The following ZNF75A variants were observed in gnomAD, a reference collection of about 807,000 sequenced individuals.
ZNF75A encodes zinc finger protein 75A.
Under a neutral mutation model 46.3 loss-of-function variants are expected in ZNF75A, and 36 were observed. The observed-to-expected ratio is 0.78, with a 90% CI of 0.60 to 1.03. The LOEUF is 1.03. Ranked by LOEUF, ZNF75A falls within the 50% of genes least tolerant of loss-of-function variation. The pLI is 0.00. For missense variants in ZNF75A, 595 were observed against 551.3 expected (o/e 1.08, Z -0.79); for synonymous variants, 234 against 189.9 (o/e 1.23, Z -1.91).
chr16:3,316,723 T>C (rs1961233547), intron 5 of ZNF75A, 189 bp from the exon 6 acceptor site: 4 of 457,620 alleles, frequency 8.7e-6, no homozygotes, highest in Non-Finnish European at 1.6e-5. Context: ...TTTCTTAGTC[T>C]CTGCTTTGCA....
intron 2 of ZNF75A, among the ~76,000 whole-genome samples, chr16:3,309,835 G>A (rs1444774502): frequency 1.5e-4 from 23 of 151,388 alleles, no homozygotes; most frequent in Admixed American, 1.4e-3. Flanking sequence ...GGCCAGGTTC[G>A]GTGGCTCATG....
chr16:3,310,875 C>G (rs1322636016), intron 2 of ZNF75A: 1 of 985,350 alleles, frequency 1.0e-6, no homozygotes, highest in African/African-American at 1.7e-5. Flanking sequence ...GGTGGCGACA[C>G]ATCTGCTGAC....
Position 3,317,202 on chromosome 16 carries a change from A to G in ZNF75A, c.947A>G (p.Lys316Arg). 1.2e-6 allele frequency: 2 copies of G among 1,610,984 alleles called. No individual in the cohort carries two copies. The highest frequency in any genetic ancestry group is 1.7e-6 in the Non-Finnish European group (2 of 1,178,444). The change falls in exon 7 of 7, where the codon AAA (lysine) becomes AGA (arginine). Residue 316 changes from lysine to arginine, a missense_variant. Coordinates refer to ENST00000669516, the MANE Select transcript of ZNF75A (RefSeq NM_001302109.2). ...AGKSPTGLKL[K>R]NDTENHQPVS... ...TTTATTCCAACAGGGTTAAAGCTCA[A>G]AAACGACACTGAAAATCATCAGCCT... is the stretch of plus-strand genomic sequence containing the variant.
chr16:3,315,238 C>A (rs1185423794), intron 5 of ZNF75A: 1 of 289,782 alleles, frequency 3.5e-6, no homozygotes, highest in Admixed American at 7.2e-5. Context: ...GTCGCCCAGG[C>A]TGGAGTGCAG....
chr16:3,309,941 A>G (rs1002634100), intron 2 of ZNF75A, among the ~76,000 whole-genome samples: 4 of 151,784 alleles, frequency 2.6e-5, no homozygotes, highest in Middle Eastern at 3.2e-3. Flanking sequence ...AAAAAAAAAA[A>G]GAAAATAAGC....
intron 2 of ZNF75A, chr16:3,310,982 ATCCCCATTCTC>A (rs1960730813): frequency 1.0e-6 from 1 of 983,670 alleles, no homozygotes; most frequent in African/African-American, 1.7e-5. Flanking sequence ...TCTCCATTCT[ATCCCCATTCTC>A]TGAAAACCTT....
intron 3 of ZNF75A, 57 bp downstream of exon 3, chr16:3,312,005 C>T: frequency 4.3e-6 from 4 of 928,842 alleles, no homozygotes; most frequent in Non-Finnish European, 5.1e-6. Flanking sequence ...AGTTTATTCA[C>T]CCAAAATGTC....
chr16:3,317,496 G>C lies in ZNF75A; in HGVS notation c.1241G>C (p.Ser414Thr). 6.2e-7 allele frequency: 1 copy of C among 1,614,006 alleles called. No homozygotes were observed. The highest frequency in any genetic ancestry group is 8.5e-7 in the Non-Finnish European group (1 of 1,179,962). The change falls in exon 7 of 7, where the codon AGC becomes ACC. Residue 414 changes from serine (S) to threonine (T), a missense_variant. Coordinates refer to ENST00000669516, the MANE Select transcript of ZNF75A (RefSeq NM_001302109.2). ...CQECGKTFRVSSDLIKHQRIH... is the reference protein window; with the variant it reads ...CQECGKTFRVTSDLIKHQRIH... ...GAATGTGGGAAAACCTTCAGAGTTA[G>C]CTCTGACCTTATTAAGCACCAAAGA...
chr16:3,312,689 A>G lies in ZNF75A; in HGVS notation c.617A>G (p.Gln206Arg), dbSNP rs1342458634. 9.9e-7 allele frequency: 1 copy of G among 1,014,184 alleles called. No homozygotes were observed. The highest frequency in any genetic ancestry group is 1.2e-6 in the Non-Finnish European group (1 of 847,016). The allele number at this position is 1,014,184 out of a possible 1,614,324, so 62.8% of individuals were successfully genotyped here. ...TTTCCCCCCACAGCTGTGCCTACTC[A>G]ACAGATTCTAGCTTTTCCTGAGCAA... is the stretch of plus-strand genomic sequence containing the variant. ...EPVYERAVPT[Q>R]QILAFPEQTN... Residue 206 changes from glutamine to arginine, a missense_variant, in exon 4 of 7, where the codon CAA (glutamine) becomes CGA (arginine). Gln to Arg is a conservative substitution (Grantham distance 43, BLOSUM62 1). Coordinates refer to ENST00000669516, the MANE Select transcript of ZNF75A (RefSeq NM_001302109.2).
chr16:3,317,452 G>T lies in ZNF75A; in HGVS notation c.1197G>T (p.Glu399Asp), dbSNP rs761712790. ...MDRHKKDCAR[E>D]KPFKCQECGK... ...GTCACAAGAAAGATTGTGCAAGAGA[G>T]AAGCCTTTTAAATGTCAGGAATGTG... Residue 399 changes from glutamate (E) to aspartate (D), a missense_variant, in exon 7 of 7, where the codon GAG becomes GAT. Coordinates refer to ENST00000669516, the MANE Select transcript of ZNF75A (RefSeq NM_001302109.2). The T allele has an allele frequency of 1.7e-5, 28 of 1,614,002 alleles. No individual in the cohort carries two copies. Among genetic ancestry groups the T allele is most frequent in the Non-Finnish European group, 2.3e-5 (27 of 1,180,020 alleles).
chr16:3,316,864 T>G (rs1297487298), intron 5 of ZNF75A, 48 bp from the exon 6 acceptor site: 2 of 1,310,982 alleles, frequency 1.5e-6, no homozygotes, highest in African/African-American at 2.9e-5. Flanking sequence ...AGTGGACCAG[T>G]TCACTGTTAA....
chr16:3,313,131 A>G lies in ZNF75A; in HGVS notation c.779A>G (p.Tyr260Cys), dbSNP rs1188373485. 6 of 1,613,966 alleles carry G rather than the reference A, an allele frequency of 3.7e-6. No homozygotes were observed. In the South Asian group the frequency reaches 6.6e-5, roughly 18 times the overall value. ...ELLDPTQKALYNDVMQENYET... is the reference protein window; with the variant it reads ...ELLDPTQKALCNDVMQENYET... ...TTGGATCCCACTCAGAAGGCCCTCT[A>G]CAATGATGTAATGCAGGAAAACTAT... The change falls in exon 5 of 7, where the codon TAC becomes TGC. Residue 260 changes from tyrosine to cysteine, a missense_variant. Coordinates refer to ENST00000669516, the MANE Select transcript of ZNF75A (RefSeq NM_001302109.2).
At chr16:3,314,835 T>G (rs1157055786) in intron 5 of ZNF75A, 2 of 985,272 alleles carry the variant, frequency 2.0e-6, no homozygotes, top group African/African-American at 3.5e-5. Context: ...TCTACAATGA[T>G]GTAATGCAGG....
chr16:3,318,382 G>A lies in ZNF75A; in HGVS notation c.*513G>A. The A allele has an allele frequency of 3.0e-6, 3 of 987,084 alleles. No homozygotes were observed. The highest frequency in any genetic ancestry group is 3.6e-6 in the Non-Finnish European group (3 of 831,170). 61.1% of individuals were successfully genotyped at this position (987,084 alleles called of 1,614,324 possible). A position where few individuals can be genotyped will look rare whatever the true frequency, so the allele number is the denominator to read the frequency against. ...TGTTATCACAGTTTTTTACTGTGAT[G>A]AAATCTTGTTAACCACCACTAGGGA... is the stretch of plus-strand genomic sequence containing the variant. On this transcript the variant is annotated 3_prime_UTR_variant, in exon 7 of 7. Transcript: ENST00000669516.
intron 5 of ZNF75A, 28 bp downstream of exon 5, chr16:3,313,203 G>A: frequency 1.2e-6 from 2 of 1,608,720 alleles, no homozygotes; most frequent in South Asian, 1.1e-5. Context: ...CCTTTATGTA[G>A]TTGAGTACTC....
At position 3,317,748 on chromosome 16, in the gene ZNF75A, A is replaced by G; in HGVS notation, c.1493A>G (p.Asn498Ser). Residue 498 changes from asparagine to serine, a missense_variant, in exon 7 of 7, where the codon AAC (asparagine) becomes AGC (serine). By Grantham distance (46) the Asn-to-Ser change is conservative. Coordinates refer to ENST00000669516, the MANE Select transcript of ZNF75A (RefSeq NM_001302109.2). The part of the protein sequence containing the change: ...CHECGKKFSQ[N>S]SHLIKHRRTH... ...GAATGTGGAAAAAAATTCAGTCAGA[A>G]CTCCCACCTTATTAAACACCGGAGA... 1 of 1,614,038 alleles carries G rather than the reference A, an allele frequency of 6.2e-7. No homozygotes were observed. The highest frequency in any genetic ancestry group is 1.1e-5 in the South Asian group (1 of 91,074).
chr16:3,317,427 G>T lies in ZNF75A; in HGVS notation c.1172G>T (p.Arg391Leu). The stretch of plus-strand genomic sequence containing the variant: ...CAAGAGCTGCTCAAACTTATGGATC[G>T]TCACAAGAAAGATTGTGCAAGAGAG... ...WKQELLKLMD[R>L]HKKDCAREKP... Residue 391 changes from arginine to leucine, a missense_variant, in exon 7 of 7, where the codon CGT (arginine) becomes CTT (leucine). Physicochemically the swap from Arg to Leu is moderately radical, Grantham distance 102. Transcript: ENST00000669516. 6.2e-7 allele frequency: 1 copy of T among 1,614,106 alleles called. No individual in the cohort carries two copies. Among genetic ancestry groups the T allele is most frequent in the Middle Eastern group, 1.6e-4 (1 of 6,062 alleles).
intron 5 of ZNF75A, 74 bp downstream of exon 5, chr16:3,313,249 G>C: frequency 6.7e-7 from 1 of 1,493,232 alleles, no homozygotes; most frequent in Non-Finnish European, 9.2e-7. Flanking sequence ...CCCAGTGAGG[G>C]GTGTCTTACT....
chr16:3,312,868 T>C, intron 4 of ZNF75A, 100 bp downstream of exon 4: 1 of 1,160,444 alleles, frequency 8.6e-7, no homozygotes. Flanking sequence ...CCGGGTGTTC[T>C]CTGGGCAACT....
Sources: gnomAD v4.1 joint callset for allele counts (sites outside exome capture counted in the v4.1 genomes callset) on GRCh38, gnomAD v4.1.1 for gene constraint, MANE v1.5 for transcripts, NCBI Gene and HGNC (gene_info 2026-07-23, HGNC 2026-07-21) for gene names.